The following SLC24A2 variants were observed in gnomAD, a reference collection of about 807,000 sequenced individuals.
SLC24A2 encodes sodium/potassium/calcium exchanger 2.
In SLC24A2, 36 loss-of-function variants were observed where a neutral mutation model predicts 62.0. That is an observed-to-expected ratio of 0.58 (90% CI 0.44 to 0.77). The LOEUF is 0.77. Ranked by LOEUF, SLC24A2 falls within the 30% of genes least tolerant of loss-of-function variation. The pLI, the probability that SLC24A2 is intolerant of heterozygous loss-of-function variation, is 0.00. For synonymous variants in SLC24A2, 358 were observed against 294.0 expected, an observed-to-expected ratio of 1.22 and a Z score of -2.23; for missense variants, 846 against 817.9, an observed-to-expected ratio of 1.03 and a Z score of -0.42.
chr9:19,859,326 T>C, the SLC24A2 span, among the ~76,000 whole-genome samples: 2 of 151,926 alleles, frequency 1.3e-5, no homozygotes, highest in Admixed American at 6.6e-5. Context: ...AGGGGAACAA[T>C]AGACACTGGG....
the SLC24A2 span, among the ~76,000 whole-genome samples, chr9:20,101,312 T>C: frequency 6.6e-6 from 1 of 152,232 alleles, no homozygotes; most frequent in Non-Finnish European, 1.5e-5. Flanking sequence ...TTGGACTTAC[T>C]ATTCAAGTGT....
At chr9:19,931,218 G>A in the SLC24A2 span, among the ~76,000 whole-genome samples, 1 of 152,204 alleles carries the variant, frequency 6.6e-6, no homozygotes, top group Non-Finnish European at 1.5e-5. Flanking sequence ...TGGAAGGTCA[G>A]GTTGCAGTCC....
rs1823266747 is a variant in SLC24A2, at chr9:19,789,036, C to T, written c.-305G>A. The T allele has an allele frequency of 1.0e-5, 8 of 786,000 alleles. No individual in the cohort carries two copies. The highest frequency in any genetic ancestry group is 1.2e-5 in the Non-Finnish European group (8 of 647,340). 48.7% of individuals were successfully genotyped at this position (786,000 alleles called of 1,614,324 possible). ...CAGCCGGGCTGGGTTCGGGAGGAGA[C>T]TGAGCCGCTGTGAGCCCGGCGCTCC... is the stretch of plus-strand genomic sequence containing the variant. On this transcript the variant is annotated 5_prime_UTR_variant, in exon 1 of 11. Coordinates refer to ENST00000341998, the MANE Select transcript of SLC24A2 (RefSeq NM_020344.4).
At chr9:19,542,900 T>C (rs546057581) in intron 8 of SLC24A2, among the ~76,000 whole-genome samples, 2 of 152,304 alleles carry the variant, frequency 1.3e-5, no homozygotes, top group South Asian at 2.1e-4. Flanking sequence ...AAATTTTCTT[T>C]TTTTGTTGTG....
the SLC24A2 span, among the ~76,000 whole-genome samples, chr9:19,995,146 T>A: frequency 6.6e-6 from 1 of 151,940 alleles, no homozygotes; most frequent in African/African-American, 2.4e-5. Flanking sequence ...GGATTGAGGA[T>A]TGAAATCTGG....
intron 7 of SLC24A2, among the ~76,000 whole-genome samples, chr9:19,555,603 C>T (rs377309477): frequency 4.6e-5 from 7 of 152,280 alleles, no homozygotes; most frequent in African/African-American, 1.4e-4. Context: ...AAAAAAGTAA[C>T]ATTCTTCAGT....
At chr9:19,560,508 G>C (rs185083148) in intron 7 of SLC24A2, among the ~76,000 whole-genome samples, 52 of 152,284 alleles carry the variant, frequency 3.4e-4, no homozygotes, top group African/African-American at 1.1e-3. Flanking sequence ...CATGCACCAA[G>C]GGAAAGCCAC....
At chr9:19,675,138 G>A (rs547369044) in intron 2 of SLC24A2, among the ~76,000 whole-genome samples, 15 of 152,146 alleles carry the variant, frequency 9.9e-5, no homozygotes, top group Non-Finnish European at 2.2e-4. Flanking sequence ...TCTGGATCTA[G>A]CCACCCAGTG....
chr9:19,561,969 A>AT (rs1182625639), intron 7 of SLC24A2, among the ~76,000 whole-genome samples: 5 of 152,200 alleles, frequency 3.3e-5, no homozygotes, highest in Admixed American at 3.3e-4. Context: ...GTTGTGAGTG[A>AT]TGAAGCTGTC....
the SLC24A2 span, among the ~76,000 whole-genome samples, chr9:19,940,018 C>T: frequency 6.6e-6 from 1 of 152,224 alleles, no homozygotes; most frequent in African/African-American, 2.4e-5. Flanking sequence ...TTCTCTGTAC[C>T]AGCTATCTCA....
chr9:19,787,306 T>C (rs970255322), intron 1 of SLC24A2, among the ~76,000 whole-genome samples: 3 of 152,202 alleles, frequency 2.0e-5, no homozygotes, highest in Non-Finnish European at 4.4e-5. Context: ...AATCCAATGT[T>C]AGGTGCAGAG....
the SLC24A2 span, chr9:19,895,993 G>A: frequency 9.5e-6 from 15 of 1,578,688 alleles, no homozygotes; most frequent in Non-Finnish European, 1.2e-5. Flanking sequence ...GACACAAGGT[G>A]CCTCAGTGTG....
At chr9:19,737,825 A>G (rs1821555424) in intron 2 of SLC24A2, among the ~76,000 whole-genome samples, 1 of 152,082 alleles carries the variant, frequency 6.6e-6, no homozygotes, top group Non-Finnish European at 1.5e-5. Flanking sequence ...ATTTTATTAA[A>G]TATTTTTATA....
At chr9:20,289,412 A>G in the SLC24A2 span, among the ~76,000 whole-genome samples, 1 of 152,198 alleles carries the variant, frequency 6.6e-6, no homozygotes, top group Non-Finnish European at 1.5e-5. Context: ...CTCCATGGGA[A>G]CAAGACAAGG....
chr9:20,142,930 G>C, the SLC24A2 span, among the ~76,000 whole-genome samples: 2 of 152,136 alleles, frequency 1.3e-5, no homozygotes, highest in African/African-American at 4.8e-5. Context: ...GAAGGAAGGA[G>C]GTCATCTGCT....
the SLC24A2 span, among the ~76,000 whole-genome samples, chr9:20,253,613 G>C: frequency 1.8e-3 from 268 of 152,270 alleles, 4 homozygotes; most frequent in Non-Finnish European, 2.4e-3. Context: ...AGTTAATTCA[G>C]AATCTAATCT....
the SLC24A2 span, among the ~76,000 whole-genome samples, chr9:20,242,667 C>G: frequency 6.6e-6 from 1 of 152,208 alleles, no homozygotes; most frequent in African/African-American, 2.4e-5. Context: ...GGATGCAACA[C>G]CTGACATGAG....
At chr9:19,895,546 C>CT in the SLC24A2 span, among the ~76,000 whole-genome samples, 75 of 135,330 alleles carry the variant, frequency 5.5e-4, no homozygotes, top group Middle Eastern at 8.3e-3. Flanking sequence ...TTCTTTCTTT[C>CT]TTTTTTTTTT....
chr9:19,986,260 A>T, the SLC24A2 span, among the ~76,000 whole-genome samples: 3 of 152,268 alleles, frequency 2.0e-5, no homozygotes, highest in African/African-American at 7.2e-5. Flanking sequence ...CTATAATCAA[A>T]AACTAGAAAA....
Sources: gnomAD v4.1 joint callset for allele counts (sites outside exome capture counted in the v4.1 genomes callset) on GRCh38, gnomAD v4.1.1 for gene constraint, MANE v1.5 for transcripts, NCBI Gene and HGNC (gene_info 2026-07-23, HGNC 2026-07-21) for gene names.